PRKACB: variants seen among roughly 807,000 people sequenced by gnomAD.
PRKACB encodes protein kinase cAMP-activated catalytic subunit beta, also known as cAMP-dependent protein kinase catalytic subunit beta.
Under a neutral mutation model 51.4 loss-of-function variants are expected in PRKACB, and 16 were observed. The observed-to-expected ratio is 0.31, with a 90% CI of 0.21 to 0.47. PRKACB has a LOEUF of 0.47. Ranked by LOEUF, PRKACB falls within the 20% of genes least tolerant of loss-of-function variation. The pLI is 1.00. For synonymous variants in PRKACB, 147 were observed against 154.4 expected (o/e 0.95, Z 0.35); for missense variants, 309 against 464.5 (o/e 0.67, Z 3.08).
chr1:84,133,533 A>T (rs1652472403), intron 1 of PRKACB, among the ~76,000 whole-genome samples: 1 of 152,240 alleles, frequency 6.6e-6, no homozygotes, highest in Non-Finnish European at 1.5e-5. Context: ...GTTTTCCCTG[A>T]TGCCTTCGTG....
intron 9 of PRKACB, among the ~76,000 whole-genome samples, chr1:84,223,359 T>TG (rs1674036261): frequency 3.5e-5 from 2 of 57,000 alleles, no homozygotes; most frequent in African/African-American, 1.3e-4. Flanking sequence ...TCTGTTTGGT[T>TG]GTTTTTTTTT....
chr1:84,213,168 G>T (rs1259817806), intron 8 of PRKACB, among the ~76,000 whole-genome samples: 1 of 152,118 alleles, frequency 6.6e-6, no homozygotes, highest in African/African-American at 2.4e-5. Context: ...ACACATACAT[G>T]TGTGCATACA....
chr1:84,149,983 G>A (rs1654625287), intron 1 of PRKACB, among the ~76,000 whole-genome samples: 2 of 152,032 alleles, frequency 1.3e-5, no homozygotes, highest in African/African-American at 4.8e-5. Flanking sequence ...ACAAATTTAA[G>A]GCCAGGTGTG....
chr1:84,102,343 C>T (rs911075369), intron 1 of PRKACB, among the ~76,000 whole-genome samples: 21 of 151,882 alleles, frequency 1.4e-4, no homozygotes, highest in Non-Finnish European at 2.5e-4. Flanking sequence ...ACCGAGATTG[C>T]GCCACTGCAC....
chr1:84,082,055 C>T (rs983784707), intron 1 of PRKACB, among the ~76,000 whole-genome samples: 2 of 152,164 alleles, frequency 1.3e-5, no homozygotes, highest in Non-Finnish European at 1.5e-5. Flanking sequence ...TAATGCTTTC[C>T]GTGTATAAAC....
At chr1:84,198,841 ATATATGTG>A (rs957666334) in intron 7 of PRKACB, among the ~76,000 whole-genome samples, 3 of 149,390 alleles carry the variant, frequency 2.0e-5, no homozygotes, top group African/African-American at 4.9e-5. Context: ...ACATATATGT[ATATATGTG>A]TATATGTGTA....
At chr1:84,094,184 G>T (rs1036585041) in intron 1 of PRKACB, among the ~76,000 whole-genome samples, 1 of 151,928 alleles carries the variant, frequency 6.6e-6, no homozygotes, top group Non-Finnish European at 1.5e-5. Flanking sequence ...TCACTGGAAA[G>T]CTTTCAATAT....
chr1:84,129,826 G>A (rs1481167169), intron 1 of PRKACB, among the ~76,000 whole-genome samples: 1 of 152,170 alleles, frequency 6.6e-6, no homozygotes, highest in Non-Finnish European at 1.5e-5. Flanking sequence ...GACAAATACA[G>A]TAGTGAATTT....
intron 3 of PRKACB, among the ~76,000 whole-genome samples, chr1:84,182,567 T>A (rs2100999564): frequency 6.6e-6 from 1 of 152,136 alleles, no homozygotes; most frequent in South Asian, 2.1e-4. Context: ...AGATTGAAGA[T>A]ATTTGGGAAA....
chr1:84,120,589 A>G (rs1410388804), intron 1 of PRKACB, among the ~76,000 whole-genome samples: 2 of 152,144 alleles, frequency 1.3e-5, no homozygotes, highest in African/African-American at 4.8e-5. Context: ...TGAATATGAA[A>G]GCATTTTAGG....
intron 9 of PRKACB, among the ~76,000 whole-genome samples, chr1:84,230,787 C>T (rs1247838041): frequency 6.7e-6 from 1 of 148,766 alleles, no homozygotes; most frequent in African/African-American, 2.5e-5. Context: ...GATTTTGTAT[C>T]CTGAGACTTT....
chr1:84,160,086 T>C (rs1252915490), intron 1 of PRKACB, among the ~76,000 whole-genome samples: 1 of 152,092 alleles, frequency 6.6e-6, no homozygotes, highest in African/African-American at 2.4e-5. Flanking sequence ...TAGAATGAGT[T>C]GGGAAGTGTT....
In PRKACB at chr1:84,102,267, G is replaced by A. The variant is rs12086125; in HGVS notation, c.46+23896G>A. ...CTGGGCGTGGTGTTGGGCACCTGTA[G>A]TCCCAGCTGCTTGGGAGGCTAAGGT... On this transcript the variant is annotated intron_variant, in intron 1 of 8. Coordinates refer to the PRKACB transcript ENST00000370688. Among the ~76,000 whole-genome samples, 3 of 151,910 alleles carry A rather than the reference G, an allele frequency of 2.0e-5. No homozygotes were observed. In the South Asian group the frequency reaches 6.3e-4, roughly 32 times the overall value.
chr1:84,138,888 T>C (rs1453823449), intron 1 of PRKACB, among the ~76,000 whole-genome samples: 1 of 152,192 alleles, frequency 6.6e-6, no homozygotes, highest in Non-Finnish European at 1.5e-5. Flanking sequence ...ATTTGAAAAT[T>C]AATCTGTGCA....
At chr1:84,118,680 A>G (rs1650820311) in intron 1 of PRKACB, among the ~76,000 whole-genome samples, 1 of 152,102 alleles carries the variant, frequency 6.6e-6, no homozygotes, top group Admixed American at 6.6e-5. Context: ...ACAGCTCCCC[A>G]CCAAGGACAC....
At chr1:84,214,661 T>G (rs1316524897) in intron 9 of PRKACB, among the ~76,000 whole-genome samples, 1 of 151,908 alleles carries the variant, frequency 6.6e-6, no homozygotes, top group Non-Finnish European at 1.5e-5. Context: ...TCTGGATGAT[T>G]TTTTTGTATT....
chr1:84,089,294 A>T (rs1320464673), intron 1 of PRKACB, among the ~76,000 whole-genome samples: 1 of 152,168 alleles, frequency 6.6e-6, no homozygotes, highest in Non-Finnish European at 1.5e-5. Context: ...ATAATAGTTG[A>T]TTAATGTGAT....
intron 3 of PRKACB, among the ~76,000 whole-genome samples, chr1:84,182,903 A>G (rs1207840831): frequency 6.6e-6 from 1 of 152,060 alleles, no homozygotes; most frequent in Admixed American, 6.6e-5. Context: ...TAAAATGTGT[A>G]CAGTAGTGAT....
chr1:84,193,938 A>G (rs1187457223), intron 5 of PRKACB, among the ~76,000 whole-genome samples: 1 of 152,204 alleles, frequency 6.6e-6, no homozygotes, highest in Non-Finnish European at 1.5e-5. Context: ...TCACAAGATG[A>G]TATCAAGTAA....
Sources: allele counts gnomAD v4.1 joint callset (sites outside exome capture counted in the v4.1 genomes callset), GRCh38; gene constraint gnomAD v4.1.1; transcripts MANE v1.5; gene names NCBI Gene and HGNC (gene_info 2026-07-23, HGNC 2026-07-21).